Variants in KCNIP1 observed in about 807,000 individuals in gnomAD.
KCNIP1 encodes the protein A-type potassium channel modulatory protein KCNIP1.
A neutral mutation model predicts 33.0 loss-of-function variants in KCNIP1; 18 were observed. That is an observed-to-expected ratio of 0.55 (90% CI 0.38 to 0.81). KCNIP1 has a LOEUF of 0.81. KCNIP1 is among the 30% of genes least tolerant of loss of function. The pLI is 0.00. For missense variants in KCNIP1, 238 were observed against 271.6 expected, an observed-to-expected ratio of 0.88 and a Z score of 0.87; for synonymous variants, 93 against 98.3, an observed-to-expected ratio of 0.95 and a Z score of 0.32.
intron 1 of KCNIP1, among the ~76,000 whole-genome samples, chr5:170,385,955 T>C (rs937403079): frequency 7.1e-5 from 10 of 141,744 alleles, no homozygotes; most frequent in Admixed American, 5.6e-4. Flanking sequence ...CCATCTCTAC[T>C]AAAAAAAAAA....
intron 1 of KCNIP1, among the ~76,000 whole-genome samples, chr5:170,609,667 C>T (rs1339334128): frequency 6.6e-6 from 1 of 151,858 alleles, no homozygotes; most frequent in Non-Finnish European, 1.5e-5. Context: ...ATAGCGAGAC[C>T]TCACTAAAAA....
At chr5:170,696,564 C>A (rs1490918204) in intron 1 of KCNIP1, among the ~76,000 whole-genome samples, 6 of 152,094 alleles carry the variant, frequency 3.9e-5, no homozygotes, top group African/African-American at 1.2e-4. Flanking sequence ...TGAGAGAGGG[C>A]AGCACATTGT....
intron 1 of KCNIP1, among the ~76,000 whole-genome samples, chr5:170,523,783 C>A (rs149841732): frequency 3.5e-4 from 53 of 152,288 alleles, no homozygotes; most frequent in African/African-American, 1.3e-3. Flanking sequence ...CTCCTCCAGC[C>A]CATTGCACTC....
At chr5:170,421,071 A>G (rs114657155) in intron 1 of KCNIP1, among the ~76,000 whole-genome samples, 238 of 152,280 alleles carry the variant, frequency 1.6e-3, no homozygotes, top group African/African-American at 5.5e-3. Flanking sequence ...ATCAGGGACA[A>G]TAGCACAGTG....
chr5:170,526,538 C>T (rs1486038663), intron 1 of KCNIP1, among the ~76,000 whole-genome samples: 14 of 152,118 alleles, frequency 9.2e-5, no homozygotes, highest in Admixed American at 9.2e-4. Flanking sequence ...AAGACCTATC[C>T]TTCTGGGCTT....
At chr5:170,355,848 C>T (rs886833996) in intron 1 of KCNIP1, among the ~76,000 whole-genome samples, 1 of 152,212 alleles carries the variant, frequency 6.6e-6, no homozygotes, top group African/African-American at 2.4e-5. Context: ...TCAGTACAGC[C>T]TTTCCTGTGG....
At chr5:170,732,520 T>C (rs1764241285) in intron 5 of KCNIP1, among the ~76,000 whole-genome samples, 1 of 152,080 alleles carries the variant, frequency 6.6e-6, no homozygotes, top group Non-Finnish European at 1.5e-5. Context: ...TGAATGGGGA[T>C]CCCACAAATC....
At chr5:170,428,115 GACA>G (rs1561621076) in intron 1 of KCNIP1, among the ~76,000 whole-genome samples, 1 of 152,088 alleles carries the variant, frequency 6.6e-6, no homozygotes, top group African/African-American at 2.4e-5. Context: ...GTGTCCCAGG[GACA>G]ACATCTGTGT....
intron 1 of KCNIP1, chr5:170,422,140 G>C (rs1349585256): frequency 6.6e-6 from 1 of 152,202 alleles, no homozygotes; most frequent in Non-Finnish European, 1.5e-5. Context: ...GTCTTCCCAG[G>C]AGAGACATGC....
chr5:170,496,001 G>T (rs1757303351), intron 1 of KCNIP1, among the ~76,000 whole-genome samples: 1 of 152,188 alleles, frequency 6.6e-6, no homozygotes. Context: ...GACATGTTCA[G>T]CGGGCCGTGC....
chr5:170,722,135 C>G (rs554143762), intron 4 of KCNIP1, among the ~76,000 whole-genome samples: 1 of 152,150 alleles, frequency 6.6e-6, no homozygotes, highest in Non-Finnish European at 1.5e-5. Flanking sequence ...TATGAGCTTC[C>G]GGGCACACTG....
In KCNIP1 at chr5:170,366,426, G is replaced by A. The variant is rs79188879; in HGVS notation, c.88+12462G>A. Among the ~76,000 whole-genome samples the A allele has an allele frequency of 5.6e-3, 850 of 152,346 alleles. 6 individuals carry two copies. Among genetic ancestry groups the A allele is most frequent in the African/African-American group, 0.019 (800 of 41,576 alleles). On this transcript the variant is annotated intron_variant, in intron 1 of 7. Transcript: ENST00000377360. ...CTGGCTGGAACCACAAAGCCCCATG[G>A]ACAAGCAAGCTCTGGCACTACCTTT...
intron 1 of KCNIP1, among the ~76,000 whole-genome samples, chr5:170,396,266 T>C (rs1285935737): frequency 6.6e-6 from 1 of 152,172 alleles, no homozygotes; most frequent in African/African-American, 2.4e-5. Flanking sequence ...CAGGAGAATC[T>C]TCTTGAGAGG....
At position 170,405,813 on chromosome 5, in the gene KCNIP1, A is replaced by G. The variant is rs114706768; in HGVS notation, c.88+51849A>G. On this transcript the variant is annotated intron_variant, in intron 1 of 7. Coordinates refer to the KCNIP1 transcript ENST00000377360. ...AGCTGGGGAGCAGGTGGTATCACAGACGAGCTCCCATCCCAGGCTGGCTCT... is the reference window on the plus strand; with the variant it reads ...AGCTGGGGAGCAGGTGGTATCACAGGCGAGCTCCCATCCCAGGCTGGCTCT... Among the ~76,000 whole-genome samples, 954 of 152,216 alleles carry G rather than the reference A, an allele frequency of 6.3e-3. 9 individuals are homozygous for G. The highest frequency in any genetic ancestry group is 0.021 in the African/African-American group (891 of 41,528).
At chr5:170,696,016 C>CAAAAAAAAAAAAAAA (rs34474795) in intron 1 of KCNIP1, among the ~76,000 whole-genome samples, 95 of 93,924 alleles carry the variant, frequency 1.0e-3, no homozygotes, top group Non-Finnish European at 1.6e-3. Flanking sequence ...GACTCTGTCT[C>CAAAAAAAAAAAAAAA]AAAAAAAAAA....
At chr5:170,379,688 C>T (rs1764161123) in intron 1 of KCNIP1, among the ~76,000 whole-genome samples, 1 of 152,206 alleles carries the variant, frequency 6.6e-6, no homozygotes, top group Admixed American at 6.5e-5. Flanking sequence ...CCAGATCACA[C>T]CTGTAATCCT....
At chr5:170,407,873 T>C (rs1755077150) in intron 1 of KCNIP1, among the ~76,000 whole-genome samples, 1 of 133,802 alleles carries the variant, frequency 7.5e-6, no homozygotes, top group Admixed American at 7.8e-5. Flanking sequence ...TTCAGTGGCG[T>C]AGTGACAGTG....
chr5:170,614,877 C>T (rs1307838657), intron 1 of KCNIP1, among the ~76,000 whole-genome samples: 1 of 152,206 alleles, frequency 6.6e-6, no homozygotes, highest in East Asian at 1.9e-4. Context: ...TACACCCCCT[C>T]TCAGTGCGTG....
chr5:170,598,234 C>T (rs1758534946), intron 1 of KCNIP1, among the ~76,000 whole-genome samples: 1 of 152,176 alleles, frequency 6.6e-6, no homozygotes, highest in Non-Finnish European at 1.5e-5. Context: ...AAGCCACCTG[C>T]TTCTCTGGCA....
Sources: gnomAD v4.1 joint callset for allele counts (sites outside exome capture counted in the v4.1 genomes callset) on GRCh38, gnomAD v4.1.1 for gene constraint, MANE v1.5 for transcripts, NCBI Gene and HGNC (gene_info 2026-07-23, HGNC 2026-07-21) for gene names.